Variants in PDS5A observed in about 807,000 individuals in gnomAD.
PDS5A encodes the protein sister chromatid cohesion protein PDS5 homolog A.
Under a neutral mutation model 167.1 loss-of-function variants are expected in PDS5A, and 42 were observed. That is an observed-to-expected ratio of 0.25 (90% CI 0.20 to 0.33). The LOEUF (loss-of-function observed/expected upper bound fraction) is 0.33, where lower values mean the gene tolerates loss of function less well. PDS5A is among the 10% of genes least tolerant of loss of function. The pLI is 1.00. For missense variants in PDS5A, 1,033 were observed against 1,605.9 expected (o/e 0.64, Z 6.10); for synonymous variants, 553 against 554.6 (o/e 1.00, Z 0.04).
intron 23 of PDS5A, 143 bp downstream of exon 23, chr4:39,866,718 C>T (rs1719488478): frequency 3.1e-6 from 2 of 642,038 alleles, no homozygotes; most frequent in African/African-American, 1.8e-5. Flanking sequence ...GACAGACAGA[C>T]AAACCCTAAA....
chr4:39,950,661 T>C (rs773345997), intron 2 of PDS5A, among the ~76,000 whole-genome samples: 4 of 152,136 alleles, frequency 2.6e-5, no homozygotes, highest in Non-Finnish European at 5.9e-5. Flanking sequence ...CTCAGCTCAC[T>C]GCAACCTCTA....
intron 2 of PDS5A, among the ~76,000 whole-genome samples, chr4:39,946,534 G>A (rs897196683): frequency 3.3e-5 from 5 of 152,060 alleles, no homozygotes; most frequent in South Asian, 4.2e-4. Flanking sequence ...CAAAACTGAC[G>A]ACTTTTCAGC....
At chr4:39,849,814 G>T (rs1717957651) in intron 26 of PDS5A, among the ~76,000 whole-genome samples, 162 bp from the exon 27 acceptor site, 1 of 151,922 alleles carries the variant, frequency 6.6e-6, no homozygotes, top group Non-Finnish European at 1.5e-5. Flanking sequence ...CTATTCAAAT[G>T]GAAAATTAAA....
intron 17 of PDS5A, among the ~76,000 whole-genome samples, chr4:39,886,787 C>T (rs751283472): frequency 4.6e-5 from 7 of 151,320 alleles, no homozygotes; most frequent in Non-Finnish European, 1.0e-4. Flanking sequence ...TGTGTGTTTC[C>T]GTTAATTTCC....
rs149433748 is a variant in PDS5A, at chr4:39,892,219, G to A, written c.1771-1855C>T. The stretch of plus-strand genomic sequence containing the variant: ...CTTTGGGAGGCCGAGGTGACGGATC[G>A]TTTGAGGTCAGGAGTTTTGAGACCA... On this transcript the variant is annotated intron_variant, in intron 16 of 32. Transcript: ENST00000303538. 2.2e-4 allele frequency among the ~76,000 whole-genome samples: 34 copies of A among 152,286 alleles called. No individual in the cohort carries two copies. In the East Asian group the frequency reaches 5.8e-3, roughly 26 times the overall value.
intron 31 of PDS5A, among the ~76,000 whole-genome samples, chr4:39,841,510 C>A (rs893093746): frequency 1.3e-5 from 2 of 150,278 alleles, no homozygotes; most frequent in Non-Finnish European, 3.0e-5. Context: ...GGTGACCACA[C>A]AAATTTTTTT....
intron 32 of PDS5A, among the ~76,000 whole-genome samples, chr4:39,827,175 T>G (rs1277350791): frequency 1.3e-5 from 2 of 152,098 alleles, no homozygotes; most frequent in African/African-American, 4.8e-5. Context: ...AATTTTTGTA[T>G]TTTTAGTAGA....
intron 7 of PDS5A, 66 bp downstream of exon 7, chr4:39,920,253 C>T (rs1225135090): frequency 5.8e-6 from 4 of 685,732 alleles, no homozygotes; most frequent in Non-Finnish European, 9.9e-6. Context: ...GTAAGAGGTT[C>T]TAATAAATTA....
intron 12 of PDS5A, 109 bp downstream of exon 12, chr4:39,903,930 AT>A: frequency 1.8e-6 from 1 of 546,410 alleles, no homozygotes; most frequent in Non-Finnish European, 3.0e-6. Flanking sequence ...ACTTAATTTT[AT>A]TTATGAAGTA....
Position 39,973,685 on chromosome 4 carries a change from A to C in PDS5A, c.138+2755T>G, listed in dbSNP as rs1481254629. 2.3e-6 allele frequency: 3 copies of C among 1,287,170 alleles called. No individual in the cohort carries two copies. The East Asian group carries it at 6.9e-5, about 30-fold the overall frequency. The allele number at this position is 1,287,170 out of a possible 1,614,324, so 79.7% of individuals were successfully genotyped here. On this transcript the variant is annotated intron_variant, in intron 2 of 32. Transcript: ENST00000303538. ...AAACCATCGTATGTAGCTTTAGCTCAGCGCAAAGAAGAGTGCCAGGCTCAC... is the reference window on the plus strand; with the variant it reads ...AAACCATCGTATGTAGCTTTAGCTCCGCGCAAAGAAGAGTGCCAGGCTCAC...
chr4:39,901,266 C>CTTTTTTTTTT (rs772230554), intron 13 of PDS5A, among the ~76,000 whole-genome samples: 106 of 121,276 alleles, frequency 8.7e-4, no homozygotes, highest in South Asian at 2.2e-3. Flanking sequence ...TCTTTTCTTT[C>CTTTTTTTTTT]TTTTTTTTTT....
intron 9 of PDS5A, among the ~76,000 whole-genome samples, chr4:39,912,738 T>G (rs887683821): frequency 6.6e-6 from 1 of 152,178 alleles, no homozygotes; most frequent in Non-Finnish European, 1.5e-5. Context: ...GTAAATGGAA[T>G]GCAAGGAGAA....
At chr4:39,971,329 G>A (rs1730514099) in intron 2 of PDS5A, among the ~76,000 whole-genome samples, 1 of 151,834 alleles carries the variant, frequency 6.6e-6, no homozygotes, top group African/African-American at 2.4e-5. Context: ...TAATTTTTTT[G>A]TATTTTTAGT....
At chr4:39,963,281 C>G (rs1729665380) in intron 2 of PDS5A, among the ~76,000 whole-genome samples, 1 of 151,896 alleles carries the variant, frequency 6.6e-6, no homozygotes, top group Non-Finnish European at 1.5e-5. Context: ...CATGGTGATA[C>G]TCCATCTGTA....
chr4:39,928,059 G>C lies in PDS5A; in HGVS notation c.244C>G (p.Pro82Ala). Residue 82 changes from proline to alanine, a missense_variant, in exon 3 of 33, where the codon CCC becomes GCC. By Grantham distance (27) the Pro-to-Ala change is conservative. Coordinates refer to ENST00000303538, the MANE Select transcript of PDS5A (RefSeq NM_001100399.2). Reference sequence around the variant, plus strand: ...ACAAGGAGACGCACATCTTTATTGGGGTTCCTGAGGAAGAATTCAGATGCA... The same window carrying C: ...ACAAGGAGACGCACATCTTTATTGGCGTTCCTGAGGAAGAATTCAGATGCA... ...HLASEFFLRN[P>A]NKDVRLLVAC... 6.2e-7 allele frequency: 1 copy of C among 1,613,434 alleles called. No homozygotes were observed. Among genetic ancestry groups the C allele is most frequent in the Non-Finnish European group, 8.5e-7 (1 of 1,179,492 alleles).
chr4:39,881,057 T>C (rs550019249), intron 17 of PDS5A, among the ~76,000 whole-genome samples: 1 of 152,324 alleles, frequency 6.6e-6, no homozygotes, highest in Non-Finnish European at 1.5e-5. Flanking sequence ...CATCTGGTAT[T>C]TAACTTCCTG....
intron 2 of PDS5A, among the ~76,000 whole-genome samples, chr4:39,937,973 C>T (rs1726790198): frequency 6.6e-6 from 1 of 152,150 alleles, no homozygotes; most frequent in Admixed American, 6.6e-5. Flanking sequence ...CTGTACCTAA[C>T]CAGATTGTAA....
intron 32 of PDS5A, among the ~76,000 whole-genome samples, chr4:39,833,417 G>A (rs190544728): frequency 1.7e-3 from 257 of 151,936 alleles, no homozygotes; most frequent in African/African-American, 6.0e-3. Flanking sequence ...GGGTCTCCTC[G>A]GTCACCCAGG....
intron 32 of PDS5A, chr4:39,837,627 C>T (rs899692679): frequency 2.6e-5 from 12 of 462,796 alleles, no homozygotes; most frequent in Non-Finnish European, 4.5e-5. Context: ...ATCAAAATAC[C>T]ATATCCTAAA....
Sources: gnomAD v4.1 joint callset for allele counts (sites outside exome capture counted in the v4.1 genomes callset) on GRCh38, gnomAD v4.1.1 for gene constraint, MANE v1.5 for transcripts, NCBI Gene and HGNC (gene_info 2026-07-23, HGNC 2026-07-21) for gene names.